SPAG9: variants seen among roughly 807,000 people sequenced by gnomAD.
SPAG9 encodes the protein sperm associated antigen 9, also known as C-Jun-amino-terminal kinase-interacting protein 4.
A neutral mutation model predicts 166.5 loss-of-function variants in SPAG9; 35 were observed. That is an observed-to-expected ratio of 0.21 (90% CI 0.16 to 0.28). The LOEUF (loss-of-function observed/expected upper bound fraction) is 0.28, where lower values mean the gene tolerates loss of function less well. Ranked by LOEUF, SPAG9 falls within the 10% of genes least tolerant of loss-of-function variation. The pLI is 1.00. For synonymous variants in SPAG9, 534 were observed against 565.5 expected, an observed-to-expected ratio of 0.94 and a Z score of 0.79; for missense variants, 1,235 against 1,603.3, an observed-to-expected ratio of 0.77 and a Z score of 3.92.
chr17:51,056,040 T>A (rs902869137), intron 3 of SPAG9, among the ~76,000 whole-genome samples: 6 of 152,212 alleles, frequency 3.9e-5, no homozygotes, highest in Non-Finnish European at 4.4e-5. Flanking sequence ...CCTTTACCAA[T>A]AACTTACCAA....
intron 1 of SPAG9, among the ~76,000 whole-genome samples, chr17:51,107,374 C>A (rs547183379): frequency 1.3e-5 from 2 of 151,670 alleles, no homozygotes; most frequent in South Asian, 4.2e-4. Context: ...ATAGTCTGAC[C>A]CCCATCCCTA....
chr17:51,018,550 T>C (rs1190296942), intron 8 of SPAG9, among the ~76,000 whole-genome samples: 1 of 152,188 alleles, frequency 6.6e-6, no homozygotes, highest in Non-Finnish European at 1.5e-5. Context: ...TGTTTTGTTT[T>C]TTAAATCACA....
In SPAG9 at chr17:51,006,073, G is replaced by A. The variant is rs762261637; in HGVS notation, c.1424+12C>T. On this transcript the variant is annotated intron_variant, in intron 11 of 29. Transcript: ENST00000262013. ...AAAGAGTTTGGTTTAGAACAACACA[G>A]TTAAAACTTACTTCCTAAGCTCTTC... 5 of 1,613,890 alleles carry A rather than the reference G, an allele frequency of 3.1e-6. No homozygotes were observed. In the South Asian group the frequency reaches 5.5e-5, roughly 18 times the overall value.
chr17:51,044,682 T>G (rs957925927), intron 4 of SPAG9, among the ~76,000 whole-genome samples: 9 of 152,180 alleles, frequency 5.9e-5, no homozygotes, highest in African/African-American at 2.2e-4. Context: ...AAACAGGGAT[T>G]ATTTTTCCAA....
intron 18 of SPAG9, among the ~76,000 whole-genome samples, 187 bp from the exon 19 acceptor site, chr17:50,994,122 C>T (rs1267737122): frequency 2.6e-5 from 4 of 152,172 alleles, no homozygotes; most frequent in Non-Finnish European, 5.9e-5. Flanking sequence ...AATTGTATCT[C>T]CCCGAATTCC....
At chr17:51,018,724 G>C (rs1353802868) in intron 8 of SPAG9, among the ~76,000 whole-genome samples, 1 of 152,072 alleles carries the variant, frequency 6.6e-6, no homozygotes, top group East Asian at 1.9e-4. Flanking sequence ...AGTCAGGAGG[G>C]GGCTGGACTG....
rs546847637 is a variant in SPAG9, at chr17:51,036,547, C to G, written c.742-4825G>C. On this transcript the variant is annotated intron_variant, in intron 5 of 29. Transcript: ENST00000262013. ...CTTCTTTCTTCTCCACTCCAGCCCCCTCTCCCCCTACCACACACAGATGCT... is the reference window on the plus strand; with the variant it reads ...CTTCTTTCTTCTCCACTCCAGCCCCGTCTCCCCCTACCACACACAGATGCT... Among the ~76,000 whole-genome samples, 6 of 152,222 alleles carry G rather than the reference C, an allele frequency of 3.9e-5. No individual in the cohort carries two copies. The East Asian group carries it at 1.2e-3, about 29-fold the overall frequency.
chr17:50,967,855 C>T (rs1200775210), intron 29 of SPAG9, among the ~76,000 whole-genome samples: 4 of 152,090 alleles, frequency 2.6e-5, no homozygotes, highest in Non-Finnish European at 4.4e-5. Context: ...TTAAAATTAG[C>T]CTATGCTAAA....
chr17:51,050,780 T>C (rs1160007622), intron 3 of SPAG9, among the ~76,000 whole-genome samples: 1 of 148,614 alleles, frequency 6.7e-6, no homozygotes, highest in African/African-American at 2.5e-5. Context: ...AAAAGAGAAG[T>C]GAGAAAGTAA....
intron 8 of SPAG9, among the ~76,000 whole-genome samples, chr17:51,015,374 C>A (rs1479947303): frequency 6.6e-6 from 1 of 152,128 alleles, no homozygotes; most frequent in East Asian, 1.9e-4. Context: ...GACCTAGACA[C>A]AATCCTCCAG....
intron 1 of SPAG9, among the ~76,000 whole-genome samples, chr17:51,081,530 G>A (rs2048164180): frequency 6.6e-6 from 1 of 151,768 alleles, no homozygotes; most frequent in African/African-American, 2.4e-5. Context: ...GATCACCTGA[G>A]GTCAGGAGTT....
At chr17:50,971,193 G>A (rs574778349) in intron 28 of SPAG9, among the ~76,000 whole-genome samples, 170 of 152,096 alleles carry the variant, frequency 1.1e-3, no homozygotes, top group Non-Finnish European at 1.8e-3. Context: ...TGTAATCCTG[G>A]CTTCTTGGGA....
intron 4 of SPAG9, among the ~76,000 whole-genome samples, chr17:51,045,948 T>C (rs2047003432): frequency 6.6e-6 from 1 of 152,228 alleles, no homozygotes; most frequent in Non-Finnish European, 1.5e-5. Context: ...AGGCATTCCT[T>C]AACCTAAAAG....
At chr17:50,983,937 A>G (rs988044746) in intron 24 of SPAG9, among the ~76,000 whole-genome samples, 1 of 152,178 alleles carries the variant, frequency 6.6e-6, no homozygotes, top group South Asian at 2.1e-4. Flanking sequence ...TTACAAAAGC[A>G]CCTAACTGTC....
At chr17:51,047,279 TA>T in intron 4 of SPAG9, 95 bp downstream of exon 4, 2 of 719,798 alleles carry the variant, frequency 2.8e-6, no homozygotes, top group African/African-American at 1.8e-5. Flanking sequence ...TGAATCAGCC[TA>T]ACTATTGTTC....
At chr17:51,013,151 A>C (rs1278946974) in intron 9 of SPAG9, among the ~76,000 whole-genome samples, 5 of 152,220 alleles carry the variant, frequency 3.3e-5, no homozygotes, top group Admixed American at 1.3e-4. Flanking sequence ...TCCACTCCAA[A>C]GTCATAACAA....
intron 10 of SPAG9, among the ~76,000 whole-genome samples, 159 bp downstream of exon 10, chr17:51,007,110 G>GGT (rs3075108): frequency 0.15 from 21,987 of 145,832 alleles, 2,465 homozygotes; most frequent in African/African-American, 0.33. Context: ...CCAACATTAG[G>GGT]GTGTGTGTGT....
intron 4 of SPAG9, among the ~76,000 whole-genome samples, chr17:51,045,724 A>T (rs1048982468): frequency 2.0e-5 from 3 of 152,162 alleles, no homozygotes; most frequent in Admixed American, 1.3e-4. Context: ...AGAAACCACA[A>T]CCTTAAGCCT....
At chr17:51,113,922 G>C (rs1449648426) in intron 1 of SPAG9, among the ~76,000 whole-genome samples, 5 of 152,152 alleles carry the variant, frequency 3.3e-5, no homozygotes, top group Non-Finnish European at 5.9e-5. Context: ...TTGAACCCAG[G>C]AGGCAGAGGT....
Sources: allele counts gnomAD v4.1 joint callset (sites outside exome capture counted in the v4.1 genomes callset), GRCh38; gene constraint gnomAD v4.1.1; transcripts MANE v1.5; gene names NCBI Gene and HGNC (gene_info 2026-07-23, HGNC 2026-07-21).